Variants in FLVCR2 observed in about 807,000 individuals in gnomAD.
FLVCR2 encodes the protein choline/ethanolamine transporter FLVCR2.
In FLVCR2, 38 loss-of-function variants were observed where a neutral mutation model predicts 48.9. The observed-to-expected ratio is 0.78, with a 90% CI of 0.60 to 1.02. The LOEUF is 1.02. Ranked by LOEUF, FLVCR2 falls within the 50% of genes least tolerant of loss-of-function variation. The pLI, the probability that FLVCR2 is intolerant of heterozygous loss-of-function variation, is 0.00. For missense variants in FLVCR2, 664 were observed against 663.3 expected, an observed-to-expected ratio of 1.00 and a Z score of -0.01; for synonymous variants, 255 against 257.0, an observed-to-expected ratio of 0.99 and a Z score of 0.07.
At position 75,621,969 on chromosome 14, in the gene FLVCR2, G is replaced by A. The variant is rs2140037420; in HGVS notation, c.670-110G>A. The A allele has an allele frequency of 2.7e-6, 3 of 1,120,956 alleles. No homozygotes were observed. The East Asian group carries it at 7.0e-5, about 26-fold the overall frequency. The allele number at this position is 1,120,956 out of a possible 1,614,324, so 69.4% of individuals were successfully genotyped here. ...AGAAATAATCCCTGCATGGGTGTTA[G>A]GAAGGATTGGAAGTTGGAAATTAGA... On this transcript the variant is annotated intron_variant, in intron 1 of 9. Coordinates refer to ENST00000238667, the MANE Select transcript of FLVCR2 (RefSeq NM_017791.3).
intron 1 of FLVCR2, among the ~76,000 whole-genome samples, chr14:75,609,442 G>A (rs375782042): frequency 2.2e-4 from 33 of 152,328 alleles, no homozygotes; most frequent in East Asian, 1.2e-3. Flanking sequence ...CTCTCAGGGC[G>A]TTATAGATGT....
At position 75,587,375 on chromosome 14, in the gene FLVCR2, C is replaced by T. The variant is rs1490253762; in HGVS notation, c.669+7734C>T. On this transcript the variant is annotated intron_variant, in intron 1 of 9. Coordinates refer to ENST00000238667, the MANE Select transcript of FLVCR2 (RefSeq NM_017791.3). ...AGGATTTAATTTTTCCCCCCGTCTC[C>T]AGGGTTATTGGTGATAGTTTCCAGC... Among the ~76,000 whole-genome samples, 2 of 151,920 alleles carry T rather than the reference C, an allele frequency of 1.3e-5. 1 individual carries two copies. The highest frequency in any genetic ancestry group is 4.1e-4 in the South Asian group (2 of 4,824).
At chr14:75,646,276 T>C (rs929242990) in intron 9 of FLVCR2, 125 bp from the exon 10 acceptor site, 3 of 711,284 alleles carry the variant, frequency 4.2e-6, no homozygotes, top group African/African-American at 3.5e-5. Flanking sequence ...CTTGGCTCTC[T>C]GGGATGCTGA....
chr14:75,610,843 T>C (rs568953363), intron 1 of FLVCR2, among the ~76,000 whole-genome samples: 1 of 152,356 alleles, frequency 6.6e-6, no homozygotes, highest in South Asian at 2.1e-4. Context: ...GGTCATTTCA[T>C]CTGGCATCTA....
rs12100928 is a variant in FLVCR2 at position 75,631,197 on chromosome 14, C to T, written c.953-2432C>T. On this transcript the variant is annotated intron_variant, in intron 3 of 9. Coordinates refer to ENST00000238667, the MANE Select transcript of FLVCR2 (RefSeq NM_017791.3). ...ACCCCTGCTCTTCCTTCCCTCTCGC[C>T]GCCCTTTAGCCCCGCTTCAGTCTGC... is the stretch of plus-strand genomic sequence containing the variant. 9.5e-3 allele frequency among the ~76,000 whole-genome samples: 1,453 copies of T among 152,310 alleles called. 24 individuals are homozygous for T. The highest frequency in any genetic ancestry group is 0.03 in the African/African-American group (1,242 of 41,558).
intron 1 of FLVCR2, among the ~76,000 whole-genome samples, chr14:75,587,151 G>A (rs1888771109): frequency 6.6e-6 from 1 of 152,102 alleles, no homozygotes; most frequent in Non-Finnish European, 1.5e-5. Context: ...ACTCTGTGAG[G>A]TTGGTGAAAT....
At chr14:75,620,640 C>G (rs1372264278) in intron 1 of FLVCR2, among the ~76,000 whole-genome samples, 1 of 152,228 alleles carries the variant, frequency 6.6e-6, no homozygotes, top group Admixed American at 6.5e-5. Flanking sequence ...TCTTATACCT[C>G]TTGGTACTTT....
rs148685665 is a variant in FLVCR2 at position 75,582,747 on chromosome 14, A to T, written c.669+3106A>T. On this transcript the variant is annotated intron_variant, in intron 1 of 9. Transcript: ENST00000238667. Reference sequence around the variant, plus strand: ...GCTGTTTTTAAGGAACGGAAAGAGGAGTGGCGAAAGGATTTAGGATCTATG... The same window carrying T: ...GCTGTTTTTAAGGAACGGAAAGAGGTGTGGCGAAAGGATTTAGGATCTATG... Among the ~76,000 whole-genome samples the T allele has an allele frequency of 3.7e-4, 56 of 152,196 alleles. 1 individual carries two copies. In the East Asian group the frequency reaches 0.011, roughly 29 times the overall value.
intron 9 of FLVCR2, 54 bp downstream of exon 9, chr14:75,641,952 A>G: frequency 6.6e-7 from 1 of 1,510,034 alleles, no homozygotes; most frequent in Non-Finnish European, 9.2e-7. Context: ...GCTTTTGATG[A>G]GGATGTGGCA....
At chr14:75,633,820 T>C in intron 4 of FLVCR2, 124 bp downstream of exon 4, 2 of 809,694 alleles carry the variant, frequency 2.5e-6, no homozygotes, top group African/African-American at 3.3e-5. Flanking sequence ...GATATGGTGG[T>C]ATGCTTATGG....
rs1890460608 is a variant in FLVCR2, at chr14:75,648,083, A to C, written c.*1611A>C. On this transcript the variant is annotated 3_prime_UTR_variant, in exon 10 of 10. Transcript: ENST00000238667. ...AAAGGTATTAACAAAATGTTTACCA[A>C]ACCTATTGCTTTATTTTAAAAACAT... 6.5e-6 allele frequency: 1 copy of C among 152,690 alleles called. No individual in the cohort carries two copies. Among genetic ancestry groups the C allele is most frequent in the African/African-American group, 2.4e-5 (1 of 41,462 alleles). The allele number at this position is 152,690 out of a possible 1,614,324, so 9.5% of individuals were successfully genotyped here. A position where few individuals can be genotyped will look rare whatever the true frequency, so the allele number is the denominator to read the frequency against.
intron 1 of FLVCR2, among the ~76,000 whole-genome samples, chr14:75,606,837 A>C (rs572352958): frequency 1.3e-5 from 2 of 152,118 alleles, no homozygotes; most frequent in South Asian, 2.1e-4. Flanking sequence ...CTAGCTACCC[A>C]GGAGGCTGAG....
intron 1 of FLVCR2, among the ~76,000 whole-genome samples, chr14:75,592,138 A>G (rs1486510028): frequency 1.3e-5 from 2 of 152,038 alleles, no homozygotes; most frequent in Non-Finnish European, 2.9e-5. Context: ...GCCTGCTCCC[A>G]GGCTTGCTGA....
At chr14:75,607,803 TG>T (rs1889332347) in intron 1 of FLVCR2, among the ~76,000 whole-genome samples, 1 of 152,056 alleles carries the variant, frequency 6.6e-6, no homozygotes, top group Admixed American at 6.6e-5. Flanking sequence ...CTCGGTGTGG[TG>T]GTTCACACCT....
Position 75,579,617 on chromosome 14 carries a change from C to T in FLVCR2, c.645C>T (p.Cys215=), listed in dbSNP as rs1888545055. Residue 215 remains cysteine (C), a synonymous_variant, in exon 1 of 10, where the codon TGC becomes TGT. Coordinates refer to ENST00000238667, the MANE Select transcript of FLVCR2 (RefSeq NM_017791.3). ...WFGANEVSTA[C]SVAVFGNQLG... is the part of the protein sequence containing the mutation. ...GGGCTAATGAGGTTTCAACAGCCTG[C>T]TCCGTGGCTGTCTTTGGCAATCAGG... 6 of 1,614,136 alleles carry T rather than the reference C, an allele frequency of 3.7e-6. No individual in the cohort carries two copies. The East Asian group carries it at 1.1e-4, about 30-fold the overall frequency.
chr14:75,633,620 C>T lies in FLVCR2; in HGVS notation c.953-9C>T, dbSNP rs181232141. 4 of 1,612,720 alleles carry T rather than the reference C, an allele frequency of 2.5e-6. No homozygotes were observed. The East Asian group carries it at 6.7e-5, about 27-fold the overall frequency. ...ACCCTAATGTTGTATTTCTCGCTCC[C>T]TTCTTCAGGTCTGAATGCTGGTGCT... On this transcript the variant is annotated splice_polypyrimidine_tract_variant and intron_variant, in intron 3 of 9. Transcript: ENST00000238667.
intron 1 of FLVCR2, among the ~76,000 whole-genome samples, chr14:75,595,481 G>T (rs1888995418): frequency 6.6e-6 from 1 of 152,250 alleles, no homozygotes; most frequent in Admixed American, 6.5e-5. Context: ...GTTGACTTGG[G>T]ATTCACAGTC....
chr14:75,629,740 T>G (rs1177271559), intron 3 of FLVCR2, among the ~76,000 whole-genome samples: 1 of 152,268 alleles, frequency 6.6e-6, no homozygotes, highest in Non-Finnish European at 1.5e-5. Context: ...GCTTCTCTTC[T>G]AGAAAATGGC....
intron 9 of FLVCR2, 91 bp from the exon 10 acceptor site, chr14:75,646,310 C>A: frequency 1.2e-6 from 1 of 857,820 alleles, no homozygotes; most frequent in Non-Finnish European, 2.0e-6. Flanking sequence ...CTTGTATTCC[C>A]CACTGATTAG....
Sources: allele counts gnomAD v4.1 joint callset (sites outside exome capture counted in the v4.1 genomes callset), GRCh38; gene constraint gnomAD v4.1.1; transcripts MANE v1.5; gene names NCBI Gene and HGNC (gene_info 2026-07-23, HGNC 2026-07-21).